STAU1: variants seen among roughly 807,000 people sequenced by gnomAD.
STAU1 encodes staufen double-stranded RNA binding protein 1.
A neutral mutation model predicts 62.9 loss-of-function variants in STAU1; 13 were observed. The observed-to-expected ratio is 0.21, with a 90% CI of 0.13 to 0.33. The LOEUF is 0.33. STAU1 is among the 10% of genes least tolerant of loss of function. The probability of loss-of-function intolerance (pLI) is 1.00; values close to 1 mark genes in which losing one functional copy is unlikely to be tolerated. For synonymous variants in STAU1, 269 were observed against 265.1 expected, an observed-to-expected ratio of 1.01 and a Z score of -0.14; for missense variants, 571 against 712.1, an observed-to-expected ratio of 0.80 and a Z score of 2.25.
At chr20:49,219,066 C>T in the STAU1 span, among the ~76,000 whole-genome samples, 2 of 151,392 alleles carry the variant, frequency 1.3e-5, no homozygotes, top group Non-Finnish European at 2.9e-5. Context: ...ATTTTACCAC[C>T]CAGAAGCAAT....
At chr20:49,160,913 C>G (rs776511449) in intron 3 of STAU1, among the ~76,000 whole-genome samples, 2 of 152,296 alleles carry the variant, frequency 1.3e-5, no homozygotes, top group South Asian at 2.1e-4. Context: ...CAGAAGTAAG[C>G]TGCAGACAAG....
chr20:49,160,023 G>C (rs1165488358), intron 3 of STAU1, among the ~76,000 whole-genome samples: 1 of 152,196 alleles, frequency 6.6e-6, no homozygotes, highest in Non-Finnish European at 1.5e-5. Context: ...CAGAATTACA[G>C]CTACCATTTC....
At chr20:49,154,093 G>T (rs763129399) in intron 3 of STAU1, 22 bp from the exon 4 acceptor site, 7 of 1,583,966 alleles carry the variant, frequency 4.4e-6, no homozygotes, top group South Asian at 2.3e-5. Flanking sequence ...AATCGACAAA[G>T]AACTGTTTTT....
At chr20:49,195,861 G>T in the STAU1 span, among the ~76,000 whole-genome samples, 1 of 119,740 alleles carries the variant, frequency 8.4e-6, no homozygotes, top group Non-Finnish European at 1.6e-5. Context: ...TAGCGCCATT[G>T]CACTCCAGCC....
At chr20:49,199,729 C>T in the STAU1 span, among the ~76,000 whole-genome samples, 3 of 151,866 alleles carry the variant, frequency 2.0e-5, no homozygotes, top group South Asian at 2.1e-4. Flanking sequence ...CCTGCCACCA[C>T]GCCCAGCTAA....
At chr20:49,132,484 C>T (rs2092772459) in intron 6 of STAU1, among the ~76,000 whole-genome samples, 1 of 152,180 alleles carries the variant, frequency 6.6e-6, no homozygotes, top group Non-Finnish European at 1.5e-5. Flanking sequence ...ACTGGCTGGG[C>T]ACGGTGGCTC....
At chr20:49,137,640 G>A (rs1222546692) in intron 5 of STAU1, among the ~76,000 whole-genome samples, 1 of 151,706 alleles carries the variant, frequency 6.6e-6, no homozygotes, top group African/African-American at 2.4e-5. Flanking sequence ...ATTTCCTTAT[G>A]TTTATCAGGT....
At chr20:49,162,498 G>A (rs2093463993) in intron 3 of STAU1, among the ~76,000 whole-genome samples, 1 of 152,228 alleles carries the variant, frequency 6.6e-6, no homozygotes, top group African/African-American at 2.4e-5. Context: ...TTATAGGCCA[G>A]ACATGGTGGC....
chr20:49,154,017 T>G lies in STAU1; in HGVS notation c.260A>C (p.Lys87Thr). Residue 87 changes from lysine (K) to threonine (T), a missense_variant, in exon 4 of 14, where the codon AAA becomes ACA. By Grantham distance (78) the Lys-to-Thr change is moderately conservative. Coordinates refer to ENST00000371856, the MANE Select transcript of STAU1 (RefSeq NM_017453.4). Reference protein sequence around the residue: ...LNALCMKLGKKPMYKPVDPYS... With the variant: ...LNALCMKLGKTPMYKPVDPYS... ...AGGGTCAACAGGCTTATACATTGGTTTTTTTCCAAGTTTCATGCACAGTGC... is the reference window on the plus strand; with the variant it reads ...AGGGTCAACAGGCTTATACATTGGTGTTTTTCCAAGTTTCATGCACAGTGC... The G allele has an allele frequency of 6.2e-7, 1 of 1,613,776 alleles. No individual in the cohort carries two copies. Among genetic ancestry groups the G allele is most frequent in the Non-Finnish European group, 8.5e-7 (1 of 1,179,950 alleles).
intron 1 of STAU1, among the ~76,000 whole-genome samples, chr20:49,183,013 C>T (rs2093745622): frequency 6.6e-6 from 1 of 152,022 alleles, no homozygotes; most frequent in Non-Finnish European, 1.5e-5. Context: ...CTAACATGTC[C>T]TCTCATAGTT....
chr20:49,209,997 C>T, the STAU1 span, among the ~76,000 whole-genome samples: 4 of 151,392 alleles, frequency 2.6e-5, no homozygotes, highest in Middle Eastern at 3.4e-3. Flanking sequence ...TGCAGTGAGC[C>T]GAGATAGTGC....
At chr20:49,158,460 G>C (rs2093397942) in intron 3 of STAU1, 2 of 1,304,674 alleles carry the variant, frequency 1.5e-6, no homozygotes, top group Non-Finnish European at 2.0e-6. Context: ...TTTTCTTGTA[G>C]GTCTTACTTT....
chr20:49,148,328 A>G (rs936788185), intron 5 of STAU1, among the ~76,000 whole-genome samples: 1 of 152,238 alleles, frequency 6.6e-6, no homozygotes, highest in African/African-American at 2.4e-5. Context: ...AAAAAAATAA[A>G]ATTACATTCA....
chr20:49,178,807 C>T (rs2093689527), intron 1 of STAU1, among the ~76,000 whole-genome samples: 1 of 149,538 alleles, frequency 6.7e-6, no homozygotes, highest in Non-Finnish European at 1.5e-5. Flanking sequence ...GGCGCGGTGG[C>T]TCACGCCTGT....
chr20:49,189,463 C>G (rs540615364), upstream of STAU1, among the ~76,000 whole-genome samples: 7 of 150,256 alleles, frequency 4.7e-5, no homozygotes, highest in African/African-American at 9.8e-5. Context: ...GGTGAAACCC[C>G]GTCTCTACTA....
chr20:49,174,079 G>A (rs1039872608), intron 2 of STAU1, 116 bp downstream of exon 2: 1 of 152,070 alleles, frequency 6.6e-6, no homozygotes, highest in Non-Finnish European at 1.5e-5. Flanking sequence ...CATAAAATTT[G>A]TTTCTCTAAT....
chr20:49,204,625 TGTATATATATATATATATA>T, the STAU1 span, among the ~76,000 whole-genome samples: 32 of 38,932 alleles, frequency 8.2e-4, no homozygotes, highest in East Asian at 2.6e-3. Context: ...TATATATATG[TGTATATATATATATATATA>T]TATTTTTTTT....
At chr20:49,120,959 T>C (rs1242779451) in intron 8 of STAU1, among the ~76,000 whole-genome samples, 1 of 151,960 alleles carries the variant, frequency 6.6e-6, no homozygotes, top group Non-Finnish European at 1.5e-5. Context: ...CATGCCTGGC[T>C]AACTTTTCTA....
At chr20:49,121,092 C>G (rs1475818423) in intron 8 of STAU1, among the ~76,000 whole-genome samples, 1 of 150,992 alleles carries the variant, frequency 6.6e-6, no homozygotes, top group East Asian at 2.0e-4. Context: ...TTACTTTCAT[C>G]TTACCTATTA....
Sources: allele counts gnomAD v4.1 joint callset (sites outside exome capture counted in the v4.1 genomes callset), GRCh38; gene constraint gnomAD v4.1.1; transcripts MANE v1.5; gene names NCBI Gene and HGNC (gene_info 2026-07-23, HGNC 2026-07-21).